Variants in EGLN1 observed in about 807,000 individuals in gnomAD.
The protein encoded by EGLN1 is egl-9 family hypoxia inducible factor 1, also known as egl nine homolog 1.
In EGLN1, 17 loss-of-function variants were observed where a neutral mutation model predicts 38.3. The ratio of observed to expected loss-of-function variants is 0.44; its 90% CI spans 0.30 to 0.67. EGLN1 has a LOEUF of 0.67. Among genes scored for constraint, EGLN1 ranks in the 30% least tolerant of loss-of-function variants. EGLN1 has a pLI of 0.08. For missense variants in EGLN1, 477 were observed against 603.3 expected, an observed-to-expected ratio of 0.79 and a Z score of 2.19; for synonymous variants, 283 against 257.5, an observed-to-expected ratio of 1.10 and a Z score of -0.95.
intron 3 of EGLN1, among the ~76,000 whole-genome samples, chr1:231,368,007 C>T (rs1367178139): frequency 1.3e-5 from 2 of 151,968 alleles, no homozygotes; most frequent in Non-Finnish European, 1.5e-5. Context: ...TAGGGTGAAA[C>T]CCCATCTCTA....
intron 1 of EGLN1, among the ~76,000 whole-genome samples, chr1:231,398,007 A>G (rs1688574177): frequency 6.6e-6 from 1 of 152,186 alleles, no homozygotes; most frequent in Non-Finnish European, 1.5e-5. Flanking sequence ...TTGATAACAC[A>G]TGCACCTAGT....
intron 1 of EGLN1, among the ~76,000 whole-genome samples, chr1:231,386,334 C>T (rs1688205512): frequency 6.6e-6 from 1 of 152,174 alleles, no homozygotes; most frequent in Non-Finnish European, 1.5e-5. Flanking sequence ...ATGACTATCT[C>T]CATTTTACAA....
intron 3 of EGLN1, 135 bp from the exon 4 acceptor site, chr1:231,367,771 C>G: frequency 1.8e-5 from 14 of 772,858 alleles, no homozygotes; most frequent in Non-Finnish European, 1.3e-5. Context: ...ATAAATTTAA[C>G]AGCTTATTTA....
At chr1:231,418,976 A>T (rs1235328778) in intron 1 of EGLN1, among the ~76,000 whole-genome samples, 2 of 152,054 alleles carry the variant, frequency 1.3e-5, no homozygotes, top group African/African-American at 4.8e-5. Context: ...TTGCCTTCTC[A>T]TTTCCACAAA....
chr1:231,392,119 C>T (rs551833111), intron 1 of EGLN1, among the ~76,000 whole-genome samples: 1 of 152,018 alleles, frequency 6.6e-6, no homozygotes, highest in Non-Finnish European at 1.5e-5. Flanking sequence ...AACTCCGTCT[C>T]TACTAAAAAT....
In EGLN1 at chr1:231,374,102, G is replaced by A. The variant is rs1687894933; in HGVS notation, c.892-3C>T. The A allele has an allele frequency of 1.2e-6, 2 of 1,612,248 alleles. No homozygotes were observed. Among genetic ancestry groups the A allele is most frequent in the Non-Finnish European group, 1.7e-6 (2 of 1,178,526 alleles). On this transcript the variant is annotated splice_region_variant and splice_polypyrimidine_tract_variant and intron_variant, in intron 1 of 4. Transcript: ENST00000366641. The stretch of plus-strand genomic sequence containing the variant: ...CCCGGATAACAAGCAACCATGGCCT[G>A]TAATAATGATAATAATGATTATTAA...
chr1:231,411,847 A>C (rs1320477041), intron 1 of EGLN1, among the ~76,000 whole-genome samples: 2 of 151,608 alleles, frequency 1.3e-5, no homozygotes, highest in African/African-American at 4.9e-5. Context: ...ACATACAAAA[A>C]AATTAGCCAG....
At chr1:231,384,065 G>T (rs1204760648) in intron 1 of EGLN1, among the ~76,000 whole-genome samples, 2 of 152,116 alleles carry the variant, frequency 1.3e-5, no homozygotes, top group East Asian at 1.9e-4. Context: ...GCTAATAGAT[G>T]AGAGTCAGAA....
chr1:231,387,259 C>A (rs2808588), intron 1 of EGLN1, among the ~76,000 whole-genome samples: 82,200 of 151,172 alleles, frequency 0.54, 23,940 homozygotes, highest in Non-Finnish European at 0.65. Flanking sequence ...ACACACACCC[C>A]CCTAATTAAA....
chr1:231,406,165 C>CAAAAAAA (rs5781651), intron 1 of EGLN1, among the ~76,000 whole-genome samples: 2 of 139,090 alleles, frequency 1.4e-5, no homozygotes, highest in African/African-American at 5.7e-5. Flanking sequence ...GACTCCGTCT[C>CAAAAAAA]AAAAAAAAAA....
rs1656641038 is a variant in EGLN1 at position 231,421,892 on chromosome 1, G to GGCGGCGGCGGCGGCGACGGCGACT, written c.-28_-5dup. 1.4e-6 allele frequency: 2 copies of GGCGGCGGCGGCGGCGACGGCGACT among 1,413,266 alleles called. No homozygotes were observed. Among genetic ancestry groups the GGCGGCGGCGGCGGCGACGGCGACT allele is most frequent in the Admixed American group, 6.7e-5 (2 of 29,752 alleles). 87.5% of individuals were successfully genotyped at this position (1,413,266 alleles called of 1,614,324 possible). On this transcript the variant is annotated 5_prime_UTR_variant, in exon 1 of 5. Transcript: ENST00000366641. This position sits in a 1 kb window ranked among gnomAD's most constrained non-coding sequence, Gnocchi z 5.5. The stretch of plus-strand genomic sequence containing the variant: ...GCCCGCCGCTGTCATTGGCCATGGC[G>GGCGGCGGCGGCGGCGACGGCGACT]GCGGCGGCGGCGGCGACGGCGACTG...
chr1:231,400,461 A>C (rs1688638195), intron 1 of EGLN1, among the ~76,000 whole-genome samples: 2 of 152,136 alleles, frequency 1.3e-5, no homozygotes, highest in Non-Finnish European at 2.9e-5. Context: ...CTCTGCATAC[A>C]TTGCCTGAGT....
chr1:231,377,453 C>T (rs1342705429), intron 1 of EGLN1, among the ~76,000 whole-genome samples: 1 of 152,138 alleles, frequency 6.6e-6, no homozygotes, highest in Non-Finnish European at 1.5e-5. Context: ...AGGCAGAAAA[C>T]CAACATGATT....
rs548086248 is a variant in EGLN1, at chr1:231,380,961, C to A, written c.892-6862G>T. Among the ~76,000 whole-genome samples the A allele has an allele frequency of 4.4e-4, 67 of 152,168 alleles. No homozygotes were observed. The South Asian group carries it at 0.014, about 31-fold the overall frequency. ...TAGAGACAGGGTCTCACTCTGTCAC[C>A]CAGGCTGGAGTGCAGTGGCGTGATC... On this transcript the variant is annotated intron_variant, in intron 1 of 4. Coordinates refer to ENST00000366641, the MANE Select transcript of EGLN1 (RefSeq NM_022051.3).
At chr1:231,382,975 T>C (rs1688109515) in intron 1 of EGLN1, among the ~76,000 whole-genome samples, 1 of 146,756 alleles carries the variant, frequency 6.8e-6, no homozygotes, top group Non-Finnish European at 1.5e-5. Context: ...GGAGAATCGC[T>C]TGAACCTGGG....
intron 3 of EGLN1, among the ~76,000 whole-genome samples, chr1:231,369,389 T>A (rs1245522604): frequency 6.6e-6 from 1 of 151,964 alleles, no homozygotes; most frequent in Non-Finnish European, 1.5e-5. Flanking sequence ...CAAACCAAAC[T>A]CAGGATTTCA....
rs769570694 is a variant in EGLN1, at chr1:231,421,231, G to T, written c.658C>A (p.Gln220Lys). ...GCGCGCACCTCGTCGCCGATCTGCT[G>T]TCCGGTCTCCTTGCCGAGGAAGTCG... ...VDDFLGKETG[Q>K]QIGDEVRALH... The change falls in exon 1 of 5, where the codon CAG becomes AAG. Residue 220 changes from glutamine (Q) to lysine (K), a missense_variant. Around this residue, in one of 4 missense-constraint regions of EGLN1, gnomAD observed 119 missense variants for 179.0 expected, o/e 0.66. Coordinates refer to ENST00000366641, the MANE Select transcript of EGLN1 (RefSeq NM_022051.3). The surrounding 1 kb of genome is among the most constrained non-coding windows in gnomAD (Gnocchi z 5.5). 1 of 1,613,980 alleles carries T rather than the reference G, an allele frequency of 6.2e-7. No individual in the cohort carries two copies. The highest frequency in any genetic ancestry group is 8.5e-7 in the Non-Finnish European group (1 of 1,180,038).
At chr1:231,366,847 C>G (rs1315301609) in intron 4 of EGLN1, among the ~76,000 whole-genome samples, 2 of 152,090 alleles carry the variant, frequency 1.3e-5, no homozygotes, top group Admixed American at 6.6e-5. Context: ...TATGTAAGGT[C>G]GACGTGCGAT....
intron 1 of EGLN1, among the ~76,000 whole-genome samples, chr1:231,378,857 G>A (rs1688017677): frequency 6.6e-6 from 1 of 152,164 alleles, no homozygotes; most frequent in South Asian, 2.1e-4. Flanking sequence ...AAGGGAAAAG[G>A]TTTACTATCT....
Sources: allele counts gnomAD v4.1 joint callset (sites outside exome capture counted in the v4.1 genomes callset), GRCh38; gene constraint gnomAD v4.1.1; regional missense constraint gnomAD v4.1.1; non-coding constraint Gnocchi (gnomAD v3.1); transcripts MANE v1.5; gene names NCBI Gene and HGNC (gene_info 2026-07-23, HGNC 2026-07-21).